Variants in CADM2 observed in about 807,000 individuals in gnomAD.
The protein encoded by CADM2 is cell adhesion molecule 2.
CADM2 carries 12 observed loss-of-function variants against 49.8 expected under a neutral mutation model. The ratio of observed to expected loss-of-function variants is 0.24; its 90% CI spans 0.15 to 0.39. The LOEUF is 0.39. Ranked by LOEUF, CADM2 falls within the 10% of genes least tolerant of loss-of-function variation. CADM2 has a pLI of 1.00. For synonymous variants in CADM2, 214 were observed against 175.4 expected, an observed-to-expected ratio of 1.22 and a Z score of -1.74; for missense variants, 378 against 492.3, an observed-to-expected ratio of 0.77 and a Z score of 2.20.
rs1485267155 is a variant in CADM2 at position 86,058,523 on chromosome 3, T to G, written c.971-7082T>G. The stretch of plus-strand genomic sequence containing the variant: ...AGATAGCAGTAAATGGTTTAAGGCT[T>G]GGTGTAAACAATTTGTAAATCCAGA... On this transcript the variant is annotated intron_variant, in intron 8 of 9. Coordinates refer to ENST00000383699, the MANE Select transcript of CADM2 (RefSeq NM_001167675.2). 2.4e-4 allele frequency among the ~76,000 whole-genome samples: 36 copies of G among 152,148 alleles called. 1 individual carries two copies. Among genetic ancestry groups the G allele is most frequent in the Admixed American group, 1.8e-3 (27 of 15,262 alleles).
At chr3:86,027,117 C>A (rs751721968) in intron 8 of CADM2, among the ~76,000 whole-genome samples, 34 of 152,046 alleles carry the variant, frequency 2.2e-4, no homozygotes, top group Non-Finnish European at 3.7e-4. Context: ...GGTTCATCAT[C>A]ATTTATTTTT....
chr3:85,935,889 A>C lies in CADM2; in HGVS notation c.791+32A>C, dbSNP rs762418404. ...GAGTTAATGAGCAATAAAGCTTTTA[A>C]CTTTTTTTCTTTTATCTTGCTTTGA... On this transcript the variant is annotated intron_variant, in intron 7 of 9. Transcript: ENST00000383699. 1.4e-5 allele frequency: 18 copies of C among 1,329,118 alleles called. No individual in the cohort carries two copies. In the South Asian group the frequency reaches 2.3e-4, roughly 17 times the overall value. 82.3% of individuals were successfully genotyped at this position (1,329,118 alleles called of 1,614,324 possible).
chr3:85,455,997 G>A (rs1190195844), intron 1 of CADM2, among the ~76,000 whole-genome samples: 3 of 152,122 alleles, frequency 2.0e-5, no homozygotes, highest in South Asian at 2.1e-4. Context: ...ATGACATCAC[G>A]TGACCTTCTT....
At chr3:85,579,298 C>CTTTTTACTCT (rs1214617548) in intron 1 of CADM2, among the ~76,000 whole-genome samples, 1 of 152,028 alleles carries the variant, frequency 6.6e-6, no homozygotes, top group Non-Finnish European at 1.5e-5. Flanking sequence ...GATTGAATCC[C>CTTTTTACTCT]AGGTATCCAT....
At chr3:85,233,091 A>C (rs1050351502) in intron 1 of CADM2, among the ~76,000 whole-genome samples, 1 of 152,172 alleles carries the variant, frequency 6.6e-6, no homozygotes, top group African/African-American at 2.4e-5. Context: ...AAATAAAGAC[A>C]TGGGAAAACC....
chr3:85,946,549 C>T (rs1454765608), intron 7 of CADM2, among the ~76,000 whole-genome samples: 1 of 151,906 alleles, frequency 6.6e-6, no homozygotes, highest in African/African-American at 2.4e-5. Flanking sequence ...GTAACCAAAA[C>T]AGCATGGTAC....
intron 1 of CADM2, among the ~76,000 whole-genome samples, chr3:85,523,456 G>A (rs2061077131): frequency 6.6e-6 from 1 of 151,994 alleles, no homozygotes; most frequent in Non-Finnish European, 1.5e-5. Context: ...TATAAATAAA[G>A]GGCTTAAGTA....
intron 1 of CADM2, among the ~76,000 whole-genome samples, chr3:85,308,878 A>G (rs1472685577): frequency 6.6e-6 from 1 of 152,178 alleles, no homozygotes; most frequent in South Asian, 2.1e-4. Context: ...CCTTACTACA[A>G]TAATAGAAGG....
chr3:85,542,218 C>G (rs2061565402), intron 1 of CADM2, among the ~76,000 whole-genome samples: 1 of 152,096 alleles, frequency 6.6e-6, no homozygotes, highest in South Asian at 2.1e-4. Flanking sequence ...AAGGCCAGCT[C>G]TCTCGGTCCC....
intron 3 of CADM2, among the ~76,000 whole-genome samples, chr3:85,858,555 A>G (rs1228355062): frequency 6.6e-6 from 1 of 152,228 alleles, no homozygotes; most frequent in Non-Finnish European, 1.5e-5. Flanking sequence ...TCTCATTCAC[A>G]TATTTTACTT....
intron 1 of CADM2, among the ~76,000 whole-genome samples, chr3:85,059,813 C>T (rs1480132070): frequency 6.6e-6 from 1 of 152,118 alleles, no homozygotes; most frequent in Non-Finnish European, 1.5e-5. Flanking sequence ...TCCTATAAAC[C>T]TTTCTTTTGT....
At chr3:85,709,309 C>T (rs1359313325) in intron 1 of CADM2, among the ~76,000 whole-genome samples, 3 of 152,070 alleles carry the variant, frequency 2.0e-5, no homozygotes. Flanking sequence ...TTTATCTTGG[C>T]ATTTAAGCAG....
At chr3:85,192,305 C>G (rs902135746) in intron 1 of CADM2, among the ~76,000 whole-genome samples, 1 of 152,024 alleles carries the variant, frequency 6.6e-6, no homozygotes, top group African/African-American at 2.4e-5. Context: ...TTGGTAAACA[C>G]AGCACTCATC....
intron 8 of CADM2, among the ~76,000 whole-genome samples, chr3:85,970,215 T>G (rs746734764): frequency 4.0e-5 from 6 of 151,482 alleles, no homozygotes; most frequent in Non-Finnish European, 8.9e-5. Context: ...TAATAAAAAT[T>G]TTTGCAATTA....
At chr3:85,180,201 A>G (rs1445767565) in intron 1 of CADM2, among the ~76,000 whole-genome samples, 1 of 152,112 alleles carries the variant, frequency 6.6e-6, no homozygotes, top group Non-Finnish European at 1.5e-5. Flanking sequence ...ATTGGCAAAG[A>G]TACTTTCAGG....
At chr3:85,937,687 G>C (rs1004814883) in intron 7 of CADM2, among the ~76,000 whole-genome samples, 2 of 151,930 alleles carry the variant, frequency 1.3e-5, no homozygotes, top group African/African-American at 4.8e-5. Context: ...GAACTGGCTA[G>C]TCTCATGATA....
intron 1 of CADM2, among the ~76,000 whole-genome samples, chr3:85,015,842 T>C (rs745866285): frequency 3.3e-5 from 5 of 152,172 alleles, no homozygotes; most frequent in Middle Eastern, 3.4e-3. Context: ...GTGTTTCAGG[T>C]GGAGGGCATG....
At chr3:85,828,251 C>T (rs1322682159) in intron 3 of CADM2, among the ~76,000 whole-genome samples, 3 of 151,788 alleles carry the variant, frequency 2.0e-5, no homozygotes, top group African/African-American at 4.8e-5. Context: ...ATCCCAAACA[C>T]GGGTAAAGCA....
At chr3:85,870,873 C>A (rs919358985) in intron 3 of CADM2, among the ~76,000 whole-genome samples, 2 of 151,944 alleles carry the variant, frequency 1.3e-5, no homozygotes, top group Non-Finnish European at 2.9e-5. Flanking sequence ...CTTCTTATAC[C>A]ATATACAAAA....
Sources: gnomAD v4.1 joint callset for allele counts (sites outside exome capture counted in the v4.1 genomes callset) on GRCh38, gnomAD v4.1.1 for gene constraint, MANE v1.5 for transcripts, NCBI Gene and HGNC (gene_info 2026-07-23, HGNC 2026-07-21) for gene names.